LAMC3: variants seen among roughly 807,000 people sequenced by gnomAD.
LAMC3 encodes laminin subunit gamma 3.
In LAMC3, 128 loss-of-function variants were observed where a neutral mutation model predicts 173.8. That is an observed-to-expected ratio of 0.74 (90% CI 0.64 to 0.85). The LOEUF (loss-of-function observed/expected upper bound fraction) is 0.85, where lower values mean the gene tolerates loss of function less well. LAMC3 is among the 40% of genes least tolerant of loss of function. The pLI is 0.00. For missense variants in LAMC3, 2,022 were observed against 2,156.0 expected (o/e 0.94, Z 1.23); for synonymous variants, 897 against 909.1 (o/e 0.99, Z 0.24).
intron 25 of LAMC3, chr9:131,086,017 CT>C: frequency 2.0e-6 from 1 of 499,114 alleles, no homozygotes; most frequent in Non-Finnish European, 3.6e-6. Flanking sequence ...CTAGGTTTTT[CT>C]TTTCTTTTTT....
chr9:131,068,371 G>A, intron 15 of LAMC3, 140 bp downstream of exon 15: 1 of 837,638 alleles, frequency 1.2e-6, no homozygotes, highest in Non-Finnish European at 1.8e-6. Context: ...TTGCCGAAGG[G>A]GAGCAAAGGG....
Position 131,009,180 on chromosome 9 carries a change from G to T in LAMC3, c.-35G>T. ...GTCCGCGCCCACCCTAGCCGAGCGG[G>T]GCCGGCAGAGCGCGCGGCGTCGGTG... On this transcript the variant is annotated 5_prime_UTR_variant, in exon 1 of 28. Coordinates refer to ENST00000361069, the MANE Select transcript of LAMC3 (RefSeq NM_006059.4). This position sits in a 1 kb window ranked among gnomAD's most constrained non-coding sequence, Gnocchi z 4.3. 1 of 1,177,594 alleles carries T rather than the reference G, an allele frequency of 8.5e-7. No individual in the cohort carries two copies. Among genetic ancestry groups the T allele is most frequent in the Non-Finnish European group, 1.0e-6 (1 of 955,546 alleles). The allele number at this position is 1,177,594 out of a possible 1,614,324, so 72.9% of individuals were successfully genotyped here.
At chr9:131,067,654 G>A (rs879932647) in intron 14 of LAMC3, among the ~76,000 whole-genome samples, 29 of 152,160 alleles carry the variant, frequency 1.9e-4, no homozygotes, top group Middle Eastern at 3.2e-3. Flanking sequence ...AGCAGCTGCC[G>A]GCTCCTGCTC....
intron 16 of LAMC3, 69 bp from the exon 17 acceptor site, chr9:131,069,603 C>A (rs1830002706): frequency 2.0e-6 from 3 of 1,511,096 alleles, no homozygotes; most frequent in Non-Finnish European, 2.7e-6. Context: ...GCCCCTGGCC[C>A]CTCTAAACCC....
In LAMC3 at chr9:131,072,827, G is replaced by C. The variant is rs149766298; in HGVS notation, c.3409G>C (p.Ala1137Pro). 819 of 1,610,630 alleles carry C rather than the reference G, an allele frequency of 5.1e-4. No homozygotes were observed. Among genetic ancestry groups the C allele is most frequent in the Non-Finnish European group, 6.7e-4 (792 of 1,178,574 alleles). Residue 1137 changes from alanine (A) to proline (P), a missense_variant, in exon 19 of 28, where the codon GCG (alanine) becomes CCG (proline). Transcript: ENST00000361069. ...GATTCTGCATGCAGCTGCCATTCTC[G>C]CGTCTCTGGTATCCCAGGGGACCCC... ...EEILHAAAIL[A>P]SLEIPQEGPS... is the part of the protein sequence containing the mutation.
chr9:131,043,380 G>A (rs1564372976), intron 7 of LAMC3, among the ~76,000 whole-genome samples: 2 of 152,176 alleles, frequency 1.3e-5, no homozygotes, highest in African/African-American at 4.8e-5. Context: ...GGCAGATTCT[G>A]GGGCTGGGGC....
intron 1 of LAMC3, among the ~76,000 whole-genome samples, chr9:131,024,436 G>A (rs140527434): frequency 8.5e-5 from 13 of 152,182 alleles, no homozygotes; most frequent in East Asian, 3.9e-4. Context: ...ATGAGCCACC[G>A]CACCCAGCCT....
chr9:131,024,819 C>G (rs1352026459), intron 1 of LAMC3, among the ~76,000 whole-genome samples: 1 of 152,106 alleles, frequency 6.6e-6, no homozygotes, highest in African/African-American at 2.4e-5. Flanking sequence ...GGAGCTCTGT[C>G]CAGTGTGGGG....
Position 131,026,425 on chromosome 9 carries a change from G to C in LAMC3, c.514G>C (p.Gly172Arg). 2 of 1,613,808 alleles carry C rather than the reference G, an allele frequency of 1.2e-6. No individual in the cohort carries two copies. Among genetic ancestry groups the C allele is most frequent in the African/African-American group, 1.3e-5 (1 of 75,076 alleles). Residue 172 changes from glycine (G) to arginine (R), a missense_variant, in exon 2 of 28, where the codon GGC (glycine) becomes CGC (arginine). Gly to Arg is a moderately radical substitution (Grantham distance 125, BLOSUM62 -2). Coordinates refer to ENST00000361069, the MANE Select transcript of LAMC3 (RefSeq NM_006059.4). The surrounding 1 kb of genome is among the most constrained non-coding windows in gnomAD (Gnocchi z 4.8). ...FYSASCQKTYGRPEGQYLRPG... is the reference protein window; with the variant it reads ...FYSASCQKTYRRPEGQYLRPG... ...CAGCGCCTCCTGCCAGAAGACCTAC[G>C]GCCGGCCCGAGGGCCAGTACCTGCG...
chr9:131,060,423 C>T (rs866742422), intron 12 of LAMC3, among the ~76,000 whole-genome samples: 8 of 152,248 alleles, frequency 5.3e-5, no homozygotes, highest in Middle Eastern at 6.8e-3. Flanking sequence ...GCGGGCAAAT[C>T]GCTTGAGGTC....
intron 2 of LAMC3, among the ~76,000 whole-genome samples, chr9:131,030,892 T>C (rs1833812323): frequency 6.6e-6 from 1 of 152,242 alleles, no homozygotes; most frequent in Admixed American, 6.5e-5. Context: ...CGCTGACCCC[T>C]GAATCAGAAG....
chr9:131,012,447 C>T (rs115148096), intron 1 of LAMC3, among the ~76,000 whole-genome samples: 4,075 of 152,320 alleles, frequency 0.027, 185 homozygotes, highest in African/African-American at 0.091. Flanking sequence ...ACCAGCGTGG[C>T]TGCTGAGACA....
intron 7 of LAMC3, among the ~76,000 whole-genome samples, chr9:131,044,197 C>T (rs1244129165): frequency 6.6e-6 from 1 of 151,580 alleles, no homozygotes; most frequent in Non-Finnish European, 1.5e-5. Flanking sequence ...CTCAGGTGAT[C>T]CACCCACCTC....
intron 1 of LAMC3, chr9:131,021,032 A>G (rs1387998515): frequency 1.3e-5 from 2 of 152,180 alleles, no homozygotes; most frequent in Admixed American, 1.3e-4. Flanking sequence ...GTAATCAACC[A>G]GCTGAGGATG....
At chr9:131,041,128 A>G (rs1246195130) in intron 6 of LAMC3, among the ~76,000 whole-genome samples, 2 of 152,150 alleles carry the variant, frequency 1.3e-5, no homozygotes, top group African/African-American at 4.8e-5. Flanking sequence ...GCACTTTGGG[A>G]GGCCAAGGCA....
At position 131,045,586 on chromosome 9, in the gene LAMC3, G is replaced by A. The variant is rs1201539071; in HGVS notation, c.1445G>A (p.Cys482Tyr). 3 of 1,614,014 alleles carry A rather than the reference G, an allele frequency of 1.9e-6. No homozygotes were observed. Among genetic ancestry groups the A allele is most frequent in the Non-Finnish European group, 2.5e-6 (3 of 1,180,038 alleles). ...HNPAGCSSCFCYGHSKVCAST... is the reference protein window; with the variant it reads ...HNPAGCSSCFYYGHSKVCAST... ...CCAGCTGGCTGCAGCAGCTGTTTCT[G>A]CTATGGCCACTCCAAGGTGTGCGCG... is the stretch of plus-strand genomic sequence containing the variant. The change falls in exon 8 of 28, where the codon TGC (cysteine) becomes TAC (tyrosine). Residue 482 changes from cysteine (C) to tyrosine (Y), a missense_variant. Cys to Tyr is a radical substitution (Grantham distance 194, BLOSUM62 -2). Transcript: ENST00000361069.
At chr9:131,077,372 G>C (rs1284077578) in intron 22 of LAMC3, 38 bp downstream of exon 22, 1 of 1,610,858 alleles carries the variant, frequency 6.2e-7, no homozygotes, top group Non-Finnish European at 8.5e-7. Flanking sequence ...GTGGGGTCGG[G>C]AGGATCTATT....
Position 131,045,615 on chromosome 9 carries a change from A to G in LAMC3, c.1474A>G (p.Thr492Ala), listed in dbSNP as rs1204843388. Residue 492 changes from threonine (T) to alanine (A), a missense_variant, in exon 8 of 28, where the codon ACT becomes GCT. Transcript: ENST00000361069. Reference protein sequence around the residue: ...CYGHSKVCASTAQFQVHHILS... With the variant: ...CYGHSKVCASAAQFQVHHILS... ...TGGCCACTCCAAGGTGTGCGCGTCCACTGCCCAGTTCCAGGTGCATCACAT... is the reference window on the plus strand; with the variant it reads ...TGGCCACTCCAAGGTGTGCGCGTCCGCTGCCCAGTTCCAGGTGCATCACAT... 1 of 1,614,094 alleles carries G rather than the reference A, an allele frequency of 6.2e-7. No homozygotes were observed. The highest frequency in any genetic ancestry group is 1.3e-5 in the African/African-American group (1 of 74,942).
chr9:131,077,060 G>A (rs550330675), intron 21 of LAMC3, 127 bp from the exon 22 acceptor site: 25 of 1,279,416 alleles, frequency 2.0e-5, no homozygotes, highest in African/African-American at 7.3e-5. Context: ...TACCTACCCC[G>A]CAGAGGGCTA....
Sources: allele counts gnomAD v4.1 joint callset (sites outside exome capture counted in the v4.1 genomes callset), GRCh38; gene constraint gnomAD v4.1.1; non-coding constraint Gnocchi (gnomAD v3.1); transcripts MANE v1.5; gene names NCBI Gene and HGNC (gene_info 2026-07-23, HGNC 2026-07-21).